ECH1: variants seen among roughly 807,000 people sequenced by gnomAD.
ECH1 encodes delta(3,5)-Delta(2,4)-dienoyl-CoA isomerase, mitochondrial.
Under a neutral mutation model 37.0 loss-of-function variants are expected in ECH1, and 30 were observed. That is an observed-to-expected ratio of 0.81 (90% CI 0.61 to 1.10). The LOEUF (loss-of-function observed/expected upper bound fraction) is 1.10, where lower values mean the gene tolerates loss of function less well. ECH1 is among the 50% of genes least tolerant of loss of function. The probability of loss-of-function intolerance (pLI) is 0.00; values close to 1 mark genes in which losing one functional copy is unlikely to be tolerated. For missense variants in ECH1, 456 were observed against 441.6 expected, an observed-to-expected ratio of 1.03 and a Z score of -0.29; for synonymous variants, 178 against 176.0, an observed-to-expected ratio of 1.01 and a Z score of -0.09.
rs1568362513 is a variant in ECH1, at chr19:38,831,338, CTT to C, written c.229_230del (p.Lys77GlufsTer24). On this transcript the variant is annotated frameshift_variant, in exon 2 of 10. Coordinates refer to ENST00000221418, the MANE Select transcript of ECH1 (RefSeq NM_001398.3). LOFTEE classifies it high-confidence loss of function. ...VLHVQLNRPNKRNAMNKVFWR... is the reference protein window; with the variant it reads ...VLHVQLNRPNXRNAMNKVFWR... ...AGAAGACCTTGTTCATGGCATTCCT[CTT>C]GTTGGGCCGGTTGAGCTGGACATGC... The C allele has an allele frequency of 6.2e-7, 1 of 1,613,094 alleles. No individual in the cohort carries two copies. Among genetic ancestry groups the C allele is most frequent in the East Asian group, 2.2e-5 (1 of 44,862 alleles).
chr19:38,818,178 T>C lies in ECH1; in HGVS notation c.350-603A>G, dbSNP rs914234527. On this transcript the variant is annotated intron_variant, in intron 3 of 9. Transcript: ENST00000221418. ...GCATCAGAAGTAGGATTTTAAAATC[T>C]GGAACCATGCAGCTGGCTCCAGAGG... The C allele has an allele frequency of 7.2e-6, 7 of 972,050 alleles. No individual in the cohort carries two copies. In the East Asian group the frequency reaches 3.4e-4, roughly 48 times the overall value. 60.2% of individuals were successfully genotyped at this position (972,050 alleles called of 1,614,324 possible). A position where few individuals can be genotyped will look rare whatever the true frequency, so the allele number is the denominator to read the frequency against.
intron 3 of ECH1, among the ~76,000 whole-genome samples, chr19:38,830,013 C>T (rs1236081623): frequency 4.0e-5 from 6 of 151,496 alleles, no homozygotes; most frequent in Admixed American, 1.3e-4. Flanking sequence ...AAAAATTAGC[C>T]GGGCGTGGTG....
intron 3 of ECH1, among the ~76,000 whole-genome samples, chr19:38,827,047 G>A (rs748351186): frequency 7.2e-6 from 1 of 138,240 alleles, no homozygotes; most frequent in African/African-American, 2.7e-5. Flanking sequence ...AGGAGAGGGA[G>A]AAGGAGGGGA....
intron 3 of ECH1, chr19:38,819,368 C>T (rs1261680749): frequency 8.0e-6 from 3 of 373,770 alleles, no homozygotes; most frequent in Non-Finnish European, 3.7e-6. Context: ...TAGAGAGGCC[C>T]TCCCTGGCCA....
intron 3 of ECH1, among the ~76,000 whole-genome samples, chr19:38,824,232 T>G (rs1166610045): frequency 6.6e-6 from 1 of 152,140 alleles, no homozygotes; most frequent in East Asian, 1.9e-4. Context: ...TGCTTAGAAC[T>G]CTAACAGGTT....
intron 3 of ECH1, among the ~76,000 whole-genome samples, chr19:38,823,982 G>A (rs117733250): frequency 0.01 from 1,545 of 152,186 alleles, 42 homozygotes; most frequent in East Asian, 0.096. Flanking sequence ...TCATAGTGGC[G>A]ACTACCTGGA....
intron 3 of ECH1, among the ~76,000 whole-genome samples, chr19:38,826,503 T>C (rs1241480984): frequency 6.6e-6 from 1 of 152,222 alleles, no homozygotes; most frequent in East Asian, 1.9e-4. Flanking sequence ...AAAAACTAAA[T>C]GGTCAGTGGA....
At chr19:38,818,934 C>CGCGA (rs1971620116) in intron 3 of ECH1, among the ~76,000 whole-genome samples, 1 of 57,052 alleles carries the variant, frequency 1.8e-5, no homozygotes. Flanking sequence ...TGTGTGTGTG[C>CGCGA]ACTGTTCCCA....
rs775527600 is a variant in ECH1 at position 38,816,328 on chromosome 19, G to A, written c.687C>T (p.Ala229=). 1 of 1,613,856 alleles carries A rather than the reference G, an allele frequency of 6.2e-7. No homozygotes were observed. Among genetic ancestry groups the A allele is most frequent in the East Asian group, 2.2e-5 (1 of 44,874 alleles). ...QSLVNELAFT[A]RKMMADEALG... ...GGGCCTCGTCAGCCATCATCTTGCG[G>A]GCGGTGAAGGCCAGCTCGTTGACCA... The change falls in exon 8 of 10, where the codon GCC becomes GCT. Residue 229 remains alanine (A), a synonymous_variant. Transcript: ENST00000221418.
At chr19:38,822,828 C>T (rs796444088) in intron 3 of ECH1, among the ~76,000 whole-genome samples, 20 of 152,284 alleles carry the variant, frequency 1.3e-4, no homozygotes, top group Non-Finnish European at 2.5e-4. Flanking sequence ...GCAGGCTGTC[C>T]GAGCCAGCAG....
intron 3 of ECH1, chr19:38,819,097 C>A (rs770458847): frequency 1.0e-6 from 1 of 984,696 alleles, no homozygotes; most frequent in Non-Finnish European, 1.2e-6. Context: ...CAGAGCAAGA[C>A]CCTGGCTCAA....
At chr19:38,824,186 T>A (rs963440481) in intron 3 of ECH1, among the ~76,000 whole-genome samples, 1 of 152,180 alleles carries the variant, frequency 6.6e-6, no homozygotes, top group Admixed American at 6.5e-5. Context: ...AACATCTTTA[T>A]AGGACAGGGG....
At chr19:38,818,482 T>C (rs1321365468) in intron 3 of ECH1, 34 of 710,678 alleles carry the variant, frequency 4.8e-5, no homozygotes, top group Non-Finnish European at 5.7e-5. Context: ...GATCCTCTTT[T>C]TTTTTATTTT....
intron 3 of ECH1, among the ~76,000 whole-genome samples, chr19:38,819,403 C>T (rs980694203): frequency 6.6e-6 from 1 of 152,076 alleles, no homozygotes; most frequent in African/African-American, 2.4e-5. Context: ...TGGCCCCATC[C>T]CCCGCATCCT....
chr19:38,824,674 A>C (rs1971713101), intron 3 of ECH1, among the ~76,000 whole-genome samples: 1 of 152,136 alleles, frequency 6.6e-6, no homozygotes, highest in Non-Finnish European at 1.5e-5. Flanking sequence ...GGAGTGAAAT[A>C]CCTTATGTCC....
chr19:38,830,650 CA>C (rs55649550), intron 3 of ECH1, among the ~76,000 whole-genome samples: 2,156 of 75,352 alleles, frequency 0.029, 18 homozygotes, highest in Middle Eastern at 0.07. Flanking sequence ...ATATTGTCTC[CA>C]AAAAAAAAAA....
intron 3 of ECH1, among the ~76,000 whole-genome samples, chr19:38,822,268 A>G (rs4564709): frequency 0.014 from 2,083 of 151,750 alleles, 22 homozygotes; most frequent in African/African-American, 0.048. Flanking sequence ...AAATGCACCA[A>G]TCAGCACCCT....
intron 3 of ECH1, 42 bp from the exon 4 acceptor site, chr19:38,817,617 C>T (rs763632117): frequency 1.9e-6 from 3 of 1,551,822 alleles, no homozygotes; most frequent in Admixed American, 1.8e-5. Context: ...GCTCCCAGGC[C>T]CCACCCATTG....
Position 38,831,170 on chromosome 19 carries a change from T to G in ECH1, c.261-4A>C. On this transcript the variant is annotated splice_region_variant and splice_polypyrimidine_tract_variant and intron_variant, in intron 2 of 9. Transcript: ENST00000221418. The stretch of plus-strand genomic sequence containing the variant: ...GTTGAAGCACTCTACCATCTCTCTG[T>G]GAAGCAACGAGTGAAGGGTTACAAA... 2 of 1,614,062 alleles carry G rather than the reference T, an allele frequency of 1.2e-6. No homozygotes were observed. Among genetic ancestry groups the G allele is most frequent in the Non-Finnish European group, 1.7e-6 (2 of 1,179,994 alleles).
Sources: allele counts gnomAD v4.1 joint callset (sites outside exome capture counted in the v4.1 genomes callset), GRCh38; gene constraint gnomAD v4.1.1; transcripts MANE v1.5; gene names NCBI Gene and HGNC (gene_info 2026-07-23, HGNC 2026-07-21).